TACC2: variants seen among roughly 807,000 people sequenced by gnomAD.
TACC2 encodes transforming acidic coiled-coil containing protein 2, also known as transforming acidic coiled-coil-containing protein 2.
Under a neutral mutation model 227.3 loss-of-function variants are expected in TACC2, and 137 were observed. The ratio of observed to expected loss-of-function variants is 0.60; its 90% CI spans 0.52 to 0.69. TACC2 has a LOEUF of 0.69. Among genes scored for constraint, TACC2 ranks in the 30% least tolerant of loss-of-function variants. The pLI, the probability that TACC2 is intolerant of heterozygous loss-of-function variation, is 0.00. For missense variants in TACC2, 3,470 were observed against 3,694.4 expected, an observed-to-expected ratio of 0.94 and a Z score of 1.57; for synonymous variants, 1,523 against 1,487.5, an observed-to-expected ratio of 1.02 and a Z score of -0.55.
chr10:122,108,426 G>A (rs11200402), intron 5 of TACC2, among the ~76,000 whole-genome samples: 4 of 143,494 alleles, frequency 2.8e-5, no homozygotes, highest in East Asian at 2.0e-4. Context: ...ATATATATAT[G>A]TGTATGTCAT....
chr10:122,060,155 A>T (rs1031296748), intron 3 of TACC2, among the ~76,000 whole-genome samples: 3 of 152,216 alleles, frequency 2.0e-5, no homozygotes, highest in Admixed American at 2.0e-4. Context: ...ATGGGTGACC[A>T]TTGAGGCAGT....
rs1385161209 is a variant in TACC2, at chr10:122,180,326, C to G, written c.5835-14714C>G. 6.6e-6 allele frequency among the ~76,000 whole-genome samples: 1 copy of G among 151,256 alleles called. No individual in the cohort carries two copies. On this transcript the variant is annotated intron_variant, in intron 7 of 22. Coordinates refer to ENST00000369005, the MANE Select transcript of TACC2 (RefSeq NM_206862.4). This position sits in a 1 kb window ranked among gnomAD's most constrained non-coding sequence, Gnocchi z 4.5. ...TTTTGTTCTCCCTGCCTGAAACTTT[C>G]TTCCCCCCAGTTCTTTTTTTTTTTT... is the stretch of plus-strand genomic sequence containing the variant.
At chr10:122,160,644 C>G (rs572472416) in intron 7 of TACC2, among the ~76,000 whole-genome samples, 178 of 152,256 alleles carry the variant, frequency 1.2e-3, no homozygotes, top group Non-Finnish European at 2.2e-3. Flanking sequence ...AGCCCCACCT[C>G]CAAATACCAT....
At chr10:122,203,719 G>A (rs1455058493) in intron 8 of TACC2, among the ~76,000 whole-genome samples, 1 of 151,444 alleles carries the variant, frequency 6.6e-6, no homozygotes, top group Admixed American at 6.6e-5. Flanking sequence ...GTCGATGGGC[G>A]GCCAGGCAGA....
At chr10:122,056,131 T>A (rs1183216660) in intron 3 of TACC2, among the ~76,000 whole-genome samples, 1 of 152,248 alleles carries the variant, frequency 6.6e-6, no homozygotes, top group Admixed American at 6.5e-5. Flanking sequence ...CTGGGGAGTC[T>A]GATGCAGCAG....
At chr10:122,033,536 C>T in intron 2 of TACC2, among the ~76,000 whole-genome samples, 1 of 152,192 alleles carries the variant, frequency 6.6e-6, no homozygotes, top group Non-Finnish European at 1.5e-5. Context: ...GTGACCCTAC[C>T]TTTGCCGCCT....
intron 8 of TACC2, among the ~76,000 whole-genome samples, chr10:122,197,905 G>A (rs577795999): frequency 2.0e-4 from 31 of 152,364 alleles, no homozygotes; most frequent in Middle Eastern, 3.4e-3. Flanking sequence ...GCGTGGGAAG[G>A]CAGCTGTGCT....
chr10:122,108,725 G>C (rs1444818693), intron 5 of TACC2, among the ~76,000 whole-genome samples: 2 of 150,350 alleles, frequency 1.3e-5, no homozygotes, highest in African/African-American at 4.9e-5. Flanking sequence ...TTACAGGTGT[G>C]AGCCATCGCC....
chr10:122,253,267 A>G (rs2096282924), intron 22 of TACC2, among the ~76,000 whole-genome samples: 2 of 152,116 alleles, frequency 1.3e-5, no homozygotes, highest in African/African-American at 4.8e-5. Context: ...GTGCTGTTGA[A>G]CTTGATCAGC....
chr10:122,159,831 G>C (rs1361670506), intron 7 of TACC2, among the ~76,000 whole-genome samples: 5 of 152,156 alleles, frequency 3.3e-5, no homozygotes, highest in Admixed American at 6.5e-5. Context: ...CTAATTAGCA[G>C]CTCGGGGTCC....
At chr10:122,190,763 G>C (rs748328212) in intron 7 of TACC2, among the ~76,000 whole-genome samples, 11 of 152,122 alleles carry the variant, frequency 7.2e-5, no homozygotes, top group Non-Finnish European at 1.2e-4. Context: ...GCAGCGGGGG[G>C]AGAAACCAAC....
At position 122,087,297 on chromosome 10, in the gene TACC2, G is replaced by A. The variant is rs1333441263; in HGVS notation, c.4797G>A (p.Gln1599=). ...VAQDRIPSGK[Q]HQETSACDSP... is the part of the protein sequence containing the mutation. ...AAGACAGAATTCCTTCTGGAAAGCA[G>A]CACCAGGAAACATCTGCCTGCGACA... Residue 1599 remains glutamine, a synonymous_variant, in exon 4 of 23, where the codon CAG becomes CAA. Transcript: ENST00000369005. 6.2e-7 allele frequency: 1 copy of A among 1,613,982 alleles called. No homozygotes were observed. Among genetic ancestry groups the A allele is most frequent in the Admixed American group, 1.7e-5 (1 of 60,032 alleles).
chr10:122,007,766 T>C (rs1471276067), intron 1 of TACC2, among the ~76,000 whole-genome samples: 1 of 152,192 alleles, frequency 6.6e-6, no homozygotes, highest in Non-Finnish European at 1.5e-5. Context: ...AATGTTTATC[T>C]TTTCCAAAAC....
chr10:122,230,044 G>A (rs1461216897), intron 15 of TACC2, among the ~76,000 whole-genome samples: 1 of 151,762 alleles, frequency 6.6e-6, no homozygotes, highest in East Asian at 1.9e-4. Flanking sequence ...TTTACCTTAA[G>A]AAAGAAAAAG....
chr10:122,226,356 A>T lies in TACC2; in HGVS notation c.7609-10A>T, dbSNP rs1326383808. The T allele has an allele frequency of 6.2e-7, 1 of 1,606,374 alleles. No homozygotes were observed. Among genetic ancestry groups the T allele is most frequent in the African/African-American group, 1.3e-5 (1 of 74,700 alleles). ...GTACCCAAGCTGATATGTGATTTTG[A>T]TCCCTGCAGCAGGACGACGATGCCC... is the stretch of plus-strand genomic sequence containing the variant. On this transcript the variant is annotated splice_polypyrimidine_tract_variant and intron_variant, in intron 12 of 22. Transcript: ENST00000369005.
At position 122,082,938 on chromosome 10, in the gene TACC2, C is replaced by T. The variant is rs777216753; in HGVS notation, c.438C>T (p.Ala146=). Residue 146 remains alanine, a synonymous_variant, in exon 4 of 23, where the codon GCC becomes GCT. Coordinates refer to ENST00000369005, the MANE Select transcript of TACC2 (RefSeq NM_206862.4). The stretch of plus-strand genomic sequence containing the variant: ...CCAGGAGGGAACCTGCCCCAAATGC[C>T]CCAGGAGACATCGCGGCGGCATTTC... ...QSPRREPAPN[A]PGDIAAAFPA... 1.2e-6 allele frequency: 2 copies of T among 1,613,016 alleles called. No homozygotes were observed. Among genetic ancestry groups the T allele is most frequent in the Admixed American group, 1.7e-5 (1 of 60,000 alleles).
chr10:122,189,663 G>C (rs530213803), intron 7 of TACC2, among the ~76,000 whole-genome samples: 1 of 152,300 alleles, frequency 6.6e-6, no homozygotes, highest in South Asian at 2.1e-4. Flanking sequence ...ACCTGGATTC[G>C]AATATGGAAG....
chr10:122,188,848 G>A (rs1470730411), intron 7 of TACC2, among the ~76,000 whole-genome samples: 2 of 152,196 alleles, frequency 1.3e-5, no homozygotes, highest in Non-Finnish European at 2.9e-5. Flanking sequence ...TAAATGTGTT[G>A]TCATCTGCTT....
chr10:122,237,556 G>A lies in TACC2; in HGVS notation c.8271+18G>A, dbSNP rs891363342. ...GAGCAGAGGTATCGTGGCATGTGGT[G>A]TAATTACCCTCTTCCTGCCACTTAT... On this transcript the variant is annotated intron_variant, in intron 17 of 22. Transcript: ENST00000369005. 7 of 1,599,538 alleles carry A rather than the reference G, an allele frequency of 4.4e-6. No homozygotes were observed. The Admixed American group carries it at 1.0e-4, about 23-fold the overall frequency.
Sources: allele counts gnomAD v4.1 joint callset (sites outside exome capture counted in the v4.1 genomes callset), GRCh38; gene constraint gnomAD v4.1.1; non-coding constraint Gnocchi (gnomAD v3.1); transcripts MANE v1.5; gene names NCBI Gene and HGNC (gene_info 2026-07-23, HGNC 2026-07-21).